Variants in RBFOX1 observed in about 807,000 individuals in gnomAD.
RBFOX1 encodes the protein RNA binding fox-1 homolog 1, also known as RNA binding protein fox-1 homolog 1.
A neutral mutation model predicts 57.7 loss-of-function variants in RBFOX1; 8 were observed. The ratio of observed to expected loss-of-function variants is 0.14; its 90% CI spans 0.08 to 0.25. RBFOX1 has a LOEUF of 0.25. Ranked by LOEUF, RBFOX1 falls within the 10% of genes least tolerant of loss-of-function variation. The pLI, the probability that RBFOX1 is intolerant of heterozygous loss-of-function variation, is 1.00. For missense variants in RBFOX1, 611 were observed against 548.5 expected, an observed-to-expected ratio of 1.11 and a Z score of -1.14; for synonymous variants, 326 against 222.4, an observed-to-expected ratio of 1.47 and a Z score of -4.15.
At chr16:5,260,014 G>A (rs2062694018) in intron 1 of RBFOX1, among the ~76,000 whole-genome samples, 2 of 152,152 alleles carry the variant, frequency 1.3e-5, no homozygotes, top group African/African-American at 2.4e-5. Flanking sequence ...CAGCCTGGAC[G>A]ACATGATGAA....
chr16:6,380,042 A>G (rs1253515053), intron 2 of RBFOX1, among the ~76,000 whole-genome samples: 1 of 152,168 alleles, frequency 6.6e-6, no homozygotes, highest in Non-Finnish European at 1.5e-5. Flanking sequence ...GTTGGGGTGT[A>G]AGGAAGTCCG....
intron 1 of RBFOX1, among the ~76,000 whole-genome samples, chr16:6,187,119 C>A (rs1057355879): frequency 6.6e-6 from 1 of 152,072 alleles, no homozygotes; most frequent in Non-Finnish European, 1.5e-5. Context: ...ACACTTTTAT[C>A]GTAGATGTAT....
At chr16:5,850,867 C>G (rs892312227) in intron 3 of RBFOX1, among the ~76,000 whole-genome samples, 1 of 152,162 alleles carries the variant, frequency 6.6e-6, no homozygotes, top group African/African-American at 2.4e-5. Context: ...GGCAGCTCAG[C>G]GTGGGAGAAG....
intron 4 of RBFOX1, among the ~76,000 whole-genome samples, chr16:5,972,909 C>A (rs1183821709): frequency 6.6e-6 from 1 of 152,262 alleles, no homozygotes; most frequent in Non-Finnish European, 1.5e-5. Context: ...GTATGCTTTC[C>A]CCAGCTTTTC....
chr16:7,286,445 CTTATT>C (rs2095652756), intron 4 of RBFOX1, among the ~76,000 whole-genome samples: 1 of 143,692 alleles, frequency 7.0e-6, no homozygotes, highest in African/African-American at 2.6e-5. Flanking sequence ...TTGATACTTT[CTTATT>C]TTTTTTTTTT....
intron 1 of RBFOX1, among the ~76,000 whole-genome samples, chr16:6,046,283 C>T (rs2095494545): frequency 6.6e-6 from 1 of 152,116 alleles, no homozygotes; most frequent in Admixed American, 6.5e-5. Context: ...TGTGATAACA[C>T]TGACAGATAG....
At chr16:7,295,540 T>G (rs749612472) in intron 4 of RBFOX1, among the ~76,000 whole-genome samples, 14 of 152,156 alleles carry the variant, frequency 9.2e-5, no homozygotes, top group Non-Finnish European at 1.8e-4. Flanking sequence ...TTATTCTCCT[T>G]AGAATGAAAC....
chr16:5,661,679 TG>T (rs1229165171), intron 3 of RBFOX1, among the ~76,000 whole-genome samples: 1 of 152,240 alleles, frequency 6.6e-6, no homozygotes, highest in Admixed American at 6.5e-5. Flanking sequence ...GTTACTATTG[TG>T]TATGGTGAAG....
chr16:6,430,147 G>C lies in RBFOX1; in HGVS notation c.-64+113090G>C, dbSNP rs80299164. ...AAAAACAGAAAAACAAACAGAAAAA[G>C]TCTTTCCTTTATAATAATTACCCAG... On this transcript the variant is annotated intron_variant, in intron 2 of 15. Coordinates refer to ENST00000550418, the MANE Select transcript of RBFOX1 (RefSeq NM_018723.4). Among the ~76,000 whole-genome samples the C allele has an allele frequency of 7.4e-3, 1,112 of 150,252 alleles. 37 individuals are homozygous for C. In the East Asian group the frequency reaches 0.13, roughly 17 times the overall value.
chr16:5,884,507 C>T (rs1259984365), intron 4 of RBFOX1, among the ~76,000 whole-genome samples: 1 of 143,362 alleles, frequency 7.0e-6, no homozygotes, highest in South Asian at 2.4e-4. Flanking sequence ...AGCTGGACTA[C>T]ATTTCCCAGC....
intron 2 of RBFOX1, among the ~76,000 whole-genome samples, chr16:6,639,313 T>G (rs561408609): frequency 2.0e-5 from 3 of 152,160 alleles, no homozygotes; most frequent in East Asian, 1.9e-4. Context: ...TTAAATAGTT[T>G]CGTTGAGTCC....
chr16:5,288,691 A>G (rs1261333720), intron 1 of RBFOX1, among the ~76,000 whole-genome samples: 12 of 147,298 alleles, frequency 8.1e-5, no homozygotes, highest in Non-Finnish European at 4.4e-5. Context: ...AATACAAATG[A>G]AAACTGCATG....
intron 11 of RBFOX1, among the ~76,000 whole-genome samples, chr16:7,646,611 C>G (rs192654877): frequency 1.3e-5 from 2 of 152,316 alleles, no homozygotes; most frequent in South Asian, 2.1e-4. Flanking sequence ...CAGTCTCATG[C>G]AAATTCAAAC....
intron 2 of RBFOX1, among the ~76,000 whole-genome samples, chr16:6,487,674 A>T (rs1339927911): frequency 2.5e-4 from 2 of 8,100 alleles, no homozygotes; most frequent in African/African-American, 4.6e-4. Flanking sequence ...TGATATATGT[A>T]AAAAAAAAAA....
chr16:7,319,192 G>A (rs1266863498), intron 4 of RBFOX1, among the ~76,000 whole-genome samples: 6 of 152,172 alleles, frequency 3.9e-5, no homozygotes, highest in African/African-American at 1.4e-4. Flanking sequence ...CCAAGGAAGT[G>A]AGGTCTGTGC....
intron 1 of RBFOX1, among the ~76,000 whole-genome samples, chr16:6,036,297 A>C (rs1175574058): frequency 6.6e-6 from 1 of 152,192 alleles, no homozygotes; most frequent in Non-Finnish European, 1.5e-5. Context: ...GTATAAAGGC[A>C]TGGAGGCCAG....
At position 6,774,583 on chromosome 16, in the gene RBFOX1, A is replaced by G. The variant is rs1239174322; in HGVS notation, c.-16+119933A>G. ...CTAATGATAATTTACTGATTGTTAC[A>G]AACAATCTACATGTCAGCTATATAG... On this transcript the variant is annotated intron_variant, in intron 3 of 15. Transcript: ENST00000550418. Among the ~76,000 whole-genome samples, 4 of 152,232 alleles carry G rather than the reference A, an allele frequency of 2.6e-5. No individual in the cohort carries two copies. The South Asian group carries it at 8.3e-4, about 32-fold the overall frequency.
intron 3 of RBFOX1, among the ~76,000 whole-genome samples, chr16:6,814,599 C>G (rs1483663474): frequency 6.6e-6 from 1 of 152,098 alleles, no homozygotes; most frequent in East Asian, 1.9e-4. Flanking sequence ...CAGAGATTCT[C>G]AAGTAAATGG....
At chr16:7,295,866 G>C (rs775979570) in intron 4 of RBFOX1, among the ~76,000 whole-genome samples, 2 of 152,132 alleles carry the variant, frequency 1.3e-5, no homozygotes, top group African/African-American at 2.4e-5. Context: ...CCTTTATTAA[G>C]CCTCTCCTAA....
Sources: allele counts gnomAD v4.1 joint callset (sites outside exome capture counted in the v4.1 genomes callset), GRCh38; gene constraint gnomAD v4.1.1; transcripts MANE v1.5; gene names NCBI Gene and HGNC (gene_info 2026-07-23, HGNC 2026-07-21).